Variants in A4GNT observed in about 807,000 individuals in gnomAD.
A4GNT encodes the protein alpha-1,4-N-acetylglucosaminyltransferase.
In A4GNT, 6 loss-of-function variants were observed where a neutral mutation model predicts 8.3. The ratio of observed to expected loss-of-function variants is 0.72; its 90% CI spans 0.39 to 1.42. The LOEUF (loss-of-function observed/expected upper bound fraction) is 1.42. Among genes scored for constraint, A4GNT ranks in the 40% most tolerant of loss-of-function variants. The pLI, the probability that A4GNT is intolerant of heterozygous loss-of-function variation, is 0.02. For synonymous variants in A4GNT, 157 were observed against 159.8 expected (o/e 0.98, Z 0.13); for missense variants, 377 against 417.0 (o/e 0.90, Z 0.84).
At chr3:138,131,410 A>C in intron 1 of A4GNT, 128 bp from the exon 2 acceptor site, 9 of 831,996 alleles carry the variant, frequency 1.1e-5, no homozygotes, top group Non-Finnish European at 1.5e-5. Flanking sequence ...ATATGATGAA[A>C]TCAAGTCCAG....
upstream of A4GNT, among the ~76,000 whole-genome samples, chr3:138,133,037 C>T (rs114639550): frequency 0.011 from 1,736 of 152,332 alleles, 28 homozygotes; most frequent in African/African-American, 0.04. Context: ...TCCACCGCCC[C>T]TGAAATGAGC....
In A4GNT at chr3:138,124,077, G is replaced by T; in HGVS notation, c.*187C>A. On this transcript the variant is annotated 3_prime_UTR_variant, in exon 3 of 3. Transcript: ENST00000236709. ...AGGTCAAGCAGTCAAATGGACCATG[G>T]GTGTATGTTTTATAGCCAGTATCAT... is the stretch of plus-strand genomic sequence containing the variant. The T allele has an allele frequency of 1.4e-6, 1 of 734,310 alleles. No individual in the cohort carries two copies. Among genetic ancestry groups the T allele is most frequent in the Non-Finnish European group, 2.1e-6 (1 of 469,780 alleles). 45.5% of individuals were successfully genotyped at this position (734,310 alleles called of 1,614,324 possible). A position where few individuals can be genotyped will look rare whatever the true frequency, so the allele number is the denominator to read the frequency against.
upstream of A4GNT, among the ~76,000 whole-genome samples, chr3:138,132,568 T>A (rs1559876287): frequency 6.6e-6 from 1 of 152,164 alleles, no homozygotes; most frequent in Non-Finnish European, 1.5e-5. Context: ...TTACCAGATT[T>A]TTAAGGTGAC....
At chr3:138,130,709 A>C (rs1184373374) in intron 2 of A4GNT, 140 bp downstream of exon 2, 1 of 790,456 alleles carries the variant, frequency 1.3e-6, no homozygotes, top group Non-Finnish European at 2.0e-6. Flanking sequence ...TATTTGAATC[A>C]GTTCTCAACA....
rs1315098574 is a variant in A4GNT, at chr3:138,131,183, A to G, written c.74T>C (p.Leu25Pro). The stretch of plus-strand genomic sequence containing the variant: ...CAAACAGAAGAGGCAGCTGGACTTC[A>G]GGGTGAACTGGTAGAGGAAGCCACA... ...LVCGFLYQFTLKSSCLFCLPS... is the reference protein window; with the variant it reads ...LVCGFLYQFTPKSSCLFCLPS... Residue 25 changes from leucine (L) to proline (P), a missense_variant, in exon 2 of 3, where the codon CTG becomes CCG. Transcript: ENST00000236709. The G allele has an allele frequency of 1.2e-6, 2 of 1,612,900 alleles. No individual in the cohort carries two copies. The highest frequency in any genetic ancestry group is 1.1e-5 in the South Asian group (1 of 91,030).
rs2042728271 is a variant in A4GNT at position 138,123,805 on chromosome 3, T to A, written c.*459A>T. 1 of 154,254 alleles carries A rather than the reference T, an allele frequency of 6.5e-6. No homozygotes were observed. Among genetic ancestry groups the A allele is most frequent in the Non-Finnish European group, 1.4e-5 (1 of 69,498 alleles). 9.6% of individuals were successfully genotyped at this position (154,254 alleles called of 1,614,324 possible). ...TCTCTTTTTACCTCAGTCAATGCTC[T>A]AACAGGTCCTGGAATTAATCTTACT... On this transcript the variant is annotated 3_prime_UTR_variant, in exon 3 of 3. Coordinates refer to ENST00000236709, the MANE Select transcript of A4GNT (RefSeq NM_016161.3).
Position 138,130,891 on chromosome 3 carries a change from T to A in A4GNT, c.366A>T (p.Lys122Asn). Reference sequence around the variant, plus strand: ...ACAATGGTGTGTCTTCAAGCAGCCTTTTCATATCCAAAGGGAAGAGGAAAA... The same window carrying A: ...ACAATGGTGTGTCTTCAAGCAGCCTATTCATATCCAAAGGGAAGAGGAAAA... ...DNVFLFPLDM[K>N]RLLEDTPLFS... Residue 122 changes from lysine to asparagine, a missense_variant, in exon 2 of 3, where the codon AAA (lysine) becomes AAT (asparagine). Lys to Asn is a moderately conservative substitution (Grantham distance 94). Transcript: ENST00000236709. 6.2e-7 allele frequency: 1 copy of A among 1,614,194 alleles called. No homozygotes were observed. Among genetic ancestry groups the A allele is most frequent in the Non-Finnish European group, 8.5e-7 (1 of 1,180,040 alleles).
At position 138,124,837 on chromosome 3, in the gene A4GNT, C is replaced by G; in HGVS notation, c.450G>C (p.Ser150=). Residue 150 remains serine (S), a synonymous_variant, in exon 3 of 3, where the codon TCG becomes TCC. Transcript: ENST00000236709. The part of the protein sequence containing the change: ...SAERNWLHIS[S]DASRLAIIWK... The stretch of plus-strand genomic sequence containing the variant: ...AGATGATGGCCAGGCGGGATGCATC[C>G]GAGCTGATGTGGAGCCAGTTTCTCT... 3.7e-6 allele frequency: 6 copies of G among 1,613,372 alleles called. No individual in the cohort carries two copies. The highest frequency in any genetic ancestry group is 5.1e-6 in the Non-Finnish European group (6 of 1,179,892).
chr3:138,130,137 A>G (rs761264388), intron 2 of A4GNT, among the ~76,000 whole-genome samples: 5 of 151,376 alleles, frequency 3.3e-5, no homozygotes, highest in African/African-American at 9.7e-5. Context: ...TTAAATCGTT[A>G]TAACTATTAT....
chr3:138,129,895 G>A (rs1576523341), intron 2 of A4GNT, among the ~76,000 whole-genome samples: 1 of 152,282 alleles, frequency 6.6e-6, no homozygotes, highest in Non-Finnish European at 1.5e-5. Context: ...CTCTGGAGTA[G>A]CTGAGACTAC....
chr3:138,123,764 A>G lies in A4GNT; in HGVS notation c.*500T>C. 1 of 153,344 alleles carries G rather than the reference A, an allele frequency of 6.5e-6. No individual in the cohort carries two copies. Among genetic ancestry groups the G allele is most frequent in the Non-Finnish European group, 1.5e-5 (1 of 68,812 alleles). 9.5% of individuals were successfully genotyped at this position (153,344 alleles called of 1,614,324 possible). Reference sequence around the variant, plus strand: ...GAATGCATTAATGAATGTCAAAATCAGGACTAGAAATCAAGTCTCTTTTTA... The same window carrying G: ...GAATGCATTAATGAATGTCAAAATCGGGACTAGAAATCAAGTCTCTTTTTA... On this transcript the variant is annotated 3_prime_UTR_variant, in exon 3 of 3. Coordinates refer to ENST00000236709, the MANE Select transcript of A4GNT (RefSeq NM_016161.3).
Position 138,124,345 on chromosome 3 carries a change from C to T in A4GNT, c.942G>A (p.Lys314=). 1 of 1,614,266 alleles carries T rather than the reference C, an allele frequency of 6.2e-7. No homozygotes were observed. The highest frequency in any genetic ancestry group is 8.5e-7 in the Non-Finnish European group (1 of 1,180,044). ...SNTLVENLYR[K]HCPRTYRDLI... ...GGTCCCTGTAAGTCCTGGGACAGTG[C>T]TTGCGATAGAGATTTTCCACCAGTG... is the stretch of plus-strand genomic sequence containing the variant. The change falls in exon 3 of 3, where the codon AAG becomes AAA. Residue 314 remains lysine (K), a synonymous_variant. Coordinates refer to ENST00000236709, the MANE Select transcript of A4GNT (RefSeq NM_016161.3).
chr3:138,126,629 C>T (rs145835539), intron 2 of A4GNT, among the ~76,000 whole-genome samples: 117 of 145,232 alleles, frequency 8.1e-4, no homozygotes, highest in African/African-American at 2.8e-3. Context: ...AGTTCGAGAC[C>T]AGCCTGACCA....
intron 2 of A4GNT, among the ~76,000 whole-genome samples, chr3:138,127,064 G>A (rs563614481): frequency 1.4e-3 from 207 of 148,332 alleles, no homozygotes; most frequent in Non-Finnish European, 2.2e-3. Context: ...CCTGGGAGGC[G>A]GAGGATGCAG....
At chr3:138,127,118 CAAAAAAAAAAAA>C (rs898641661) in intron 2 of A4GNT, among the ~76,000 whole-genome samples, 17 of 34,082 alleles carry the variant, frequency 5.0e-4, no homozygotes, top group Non-Finnish European at 1.0e-3. Flanking sequence ...GACTCCATCT[CAAAAAAAAAAAA>C]AAAAAAAAAA....
intron 2 of A4GNT, among the ~76,000 whole-genome samples, chr3:138,129,151 G>A (rs1204807953): frequency 6.6e-6 from 1 of 152,120 alleles, no homozygotes; most frequent in Admixed American, 6.6e-5. Flanking sequence ...CCAGTTCCCA[G>A]GCAAATGAGG....
intron 2 of A4GNT, among the ~76,000 whole-genome samples, chr3:138,129,568 T>A (rs1204382198): frequency 6.6e-6 from 1 of 152,164 alleles, no homozygotes; most frequent in Admixed American, 6.5e-5. Context: ...TGTGAGAGAA[T>A]GAATTTCTGT....
upstream of A4GNT, chr3:138,132,489 A>G (rs572881400): frequency 5.9e-5 from 9 of 152,182 alleles, no homozygotes; most frequent in South Asian, 2.1e-4. Context: ...ACTAAACACA[A>G]AAAGTTCCCA....
intron 2 of A4GNT, 92 bp from the exon 3 acceptor site, chr3:138,124,970 G>C: frequency 1.4e-6 from 2 of 1,462,774 alleles, no homozygotes; most frequent in Non-Finnish European, 1.8e-6. Context: ...GCTGGGGAGG[G>C]GTTAAAGAAG....
Sources: allele counts gnomAD v4.1 joint callset (sites outside exome capture counted in the v4.1 genomes callset), GRCh38; gene constraint gnomAD v4.1.1; transcripts MANE v1.5; gene names NCBI Gene and HGNC (gene_info 2026-07-23, HGNC 2026-07-21).